The following COBL variants were observed in gnomAD, a reference collection of about 807,000 sequenced individuals.
COBL encodes protein cordon-bleu.
COBL carries 51 observed loss-of-function variants against 98.8 expected under a neutral mutation model. The ratio of observed to expected loss-of-function variants is 0.52; its 90% CI spans 0.41 to 0.65. COBL has a LOEUF of 0.65. COBL is among the 30% of genes least tolerant of loss of function. The probability of loss-of-function intolerance (pLI) is 0.00; values close to 1 mark genes in which losing one functional copy is unlikely to be tolerated. For missense variants in COBL, 1,617 were observed against 1,617.5 expected (o/e 1.00, Z 0.01); for synonymous variants, 634 against 651.7 (o/e 0.97, Z 0.41).
chr7:51,134,539 C>G (rs1461427786), intron 6 of COBL, among the ~76,000 whole-genome samples: 2 of 152,116 alleles, frequency 1.3e-5, no homozygotes, highest in Admixed American at 1.3e-4. Flanking sequence ...TTTTAAAATG[C>G]TGGTACAGTT....
intron 7 of COBL, among the ~76,000 whole-genome samples, chr7:51,052,489 A>G (rs1000773771): frequency 6.6e-6 from 1 of 152,180 alleles, no homozygotes; most frequent in Non-Finnish European, 1.5e-5. Flanking sequence ...GTCCTTTTTT[A>G]CACATTTCTG....
rs1347266903 is a variant in COBL, at chr7:51,082,965, CA to C, written c.1096+2200del. 2.5e-6 allele frequency: 3 copies of C among 1,211,418 alleles called. No homozygotes were observed. The East Asian group carries it at 7.6e-5, about 31-fold the overall frequency. 75.0% of individuals were successfully genotyped at this position (1,211,418 alleles called of 1,614,324 possible). A position where few individuals can be genotyped will look rare whatever the true frequency, so the allele number is the denominator to read the frequency against. ...AAGGAAAGGCACACACATCCAAAGA[CA>C]AGAATGGAAAATCTGGAAACCCAGC... On this transcript the variant is annotated intron_variant, in intron 7 of 12. Transcript: ENST00000265136.
intron 1 of COBL, among the ~76,000 whole-genome samples, chr7:51,220,964 C>A (rs1000454099): frequency 6.6e-6 from 1 of 152,068 alleles, no homozygotes; most frequent in African/African-American, 2.4e-5. Flanking sequence ...GATTTAAGAA[C>A]CTTACTTTAT....
chr7:51,029,332 C>A lies in COBL; in HGVS notation c.1764G>T (p.Gln588His). ...CTTCCTCCCTTGCCTTTTCATGGGG[C>A]TGGCTGTGCTCAGCTTGAAGTGGCG... ...SLAPLQAEHS[Q>H]PHEKAREEVP... Residue 588 changes from glutamine (Q) to histidine (H), a missense_variant, in exon 10 of 13, where the codon CAG becomes CAT. Coordinates refer to ENST00000265136, the MANE Select transcript of COBL (RefSeq NM_015198.5). 6.2e-7 allele frequency: 1 copy of A among 1,602,210 alleles called. No individual in the cohort carries two copies. Among genetic ancestry groups the A allele is most frequent in the Non-Finnish European group, 8.5e-7 (1 of 1,173,080 alleles).
intron 7 of COBL, chr7:51,065,213 C>A (rs146781521): frequency 2.8e-6 from 2 of 703,070 alleles, no homozygotes; most frequent in Admixed American, 4.0e-5. Flanking sequence ...TGTGTGTGTG[C>A]GTGTGTGTGT....
At chr7:51,265,491 C>A (rs759790906) in intron 1 of COBL, among the ~76,000 whole-genome samples, 12 of 152,342 alleles carry the variant, frequency 7.9e-5, no homozygotes, top group Non-Finnish European at 1.6e-4. Context: ...CGAGGTGAGG[C>A]AGGGTGTTTG....
chr7:51,287,192 C>T (rs1242182859), intron 1 of COBL, among the ~76,000 whole-genome samples: 2 of 151,976 alleles, frequency 1.3e-5, no homozygotes, highest in East Asian at 1.9e-4. Flanking sequence ...CTCAGCATCC[C>T]GCAATATACC....
chr7:51,177,387 T>C (rs767978967), intron 5 of COBL, among the ~76,000 whole-genome samples: 66 of 152,304 alleles, frequency 4.3e-4, no homozygotes, highest in Middle Eastern at 6.8e-3. Context: ...AGAGTTAACA[T>C]TGAAATTAAT....
chr7:51,138,448 G>T (rs1040528930), intron 5 of COBL, among the ~76,000 whole-genome samples: 1 of 152,132 alleles, frequency 6.6e-6, no homozygotes. Flanking sequence ...ACCAGAGAAG[G>T]GATTTTGCTA....
chr7:51,270,458 G>C (rs933554275), intron 1 of COBL, among the ~76,000 whole-genome samples: 2 of 152,242 alleles, frequency 1.3e-5, no homozygotes, highest in South Asian at 4.1e-4. Context: ...GTGGGGAAGA[G>C]AGGGTAAGGG....
intron 1 of COBL, among the ~76,000 whole-genome samples, chr7:51,232,593 T>C (rs573506922): frequency 6.6e-6 from 1 of 152,258 alleles, no homozygotes; most frequent in South Asian, 2.1e-4. Flanking sequence ...GGGCGGATCA[T>C]GAGGTCAGGA....
chr7:51,214,017 G>A (rs1792754521), intron 2 of COBL, among the ~76,000 whole-genome samples: 1 of 152,106 alleles, frequency 6.6e-6, no homozygotes, highest in Non-Finnish European at 1.5e-5. Context: ...TGTAATCCCA[G>A]CACTTTGGGA....
At chr7:51,294,597 C>T (rs996759549) in intron 1 of COBL, among the ~76,000 whole-genome samples, 2 of 147,334 alleles carry the variant, frequency 1.4e-5, no homozygotes, top group Admixed American at 6.8e-5. Context: ...GAGCTGAGAT[C>T]GCACCATTGC....
chr7:51,106,673 C>A (rs1796300375), intron 6 of COBL, among the ~76,000 whole-genome samples: 1 of 152,184 alleles, frequency 6.6e-6, no homozygotes, highest in Non-Finnish European at 1.5e-5. Context: ...AATGCTGATG[C>A]CTTAGGTCAA....
At chr7:51,214,045 C>T (rs1584198060) in intron 2 of COBL, among the ~76,000 whole-genome samples, 1 of 152,086 alleles carries the variant, frequency 6.6e-6, no homozygotes, top group African/African-American at 2.4e-5. Flanking sequence ...GCAGGCAGAT[C>T]ACTTGAGGTC....
chr7:51,154,143 T>C (rs1785851751), intron 5 of COBL, among the ~76,000 whole-genome samples: 3 of 152,196 alleles, frequency 2.0e-5, no homozygotes, highest in African/African-American at 4.8e-5. Context: ...ATTTCCTTTA[T>C]GAGAGCAGCT....
intron 2 of COBL, among the ~76,000 whole-genome samples, chr7:51,217,340 C>CTTTTTTTTTTTT (rs937958755): frequency 8.8e-4 from 112 of 127,716 alleles, no homozygotes; most frequent in African/African-American, 2.8e-3. Flanking sequence ...TTTTCTTTTT[C>CTTTTTTTTTTTT]TTTTTTTTTT....
chr7:51,108,142 TC>T (rs1796479992), intron 6 of COBL, among the ~76,000 whole-genome samples: 1 of 152,086 alleles, frequency 6.6e-6, no homozygotes, highest in African/African-American at 2.4e-5. Context: ...CTGTTCCTCT[TC>T]CCTGCCACTG....
At chr7:51,177,262 G>T (rs1338606499) in intron 5 of COBL, among the ~76,000 whole-genome samples, 1 of 152,124 alleles carries the variant, frequency 6.6e-6, no homozygotes, top group Non-Finnish European at 1.5e-5. Context: ...GCTGGGAGGG[G>T]TTGGTTCTCC....
Sources: gnomAD v4.1 joint callset for allele counts (sites outside exome capture counted in the v4.1 genomes callset) on GRCh38, gnomAD v4.1.1 for gene constraint, MANE v1.5 for transcripts, NCBI Gene and HGNC (gene_info 2026-07-23, HGNC 2026-07-21) for gene names.